Variants in ASAP1 observed in about 807,000 individuals in gnomAD.
The protein encoded by ASAP1 is ArfGAP with SH3 domain, ankyrin repeat and PH domain 1, also known as arf-GAP with SH3 domain, ANK repeat and PH domain-containing protein 1.
In ASAP1, 43 loss-of-function variants were observed where a neutral mutation model predicts 145.2. That is an observed-to-expected ratio of 0.30 (90% CI 0.23 to 0.38). The LOEUF (loss-of-function observed/expected upper bound fraction) is 0.38. Ranked by LOEUF, ASAP1 falls within the 10% of genes least tolerant of loss-of-function variation. The pLI is 1.00. For synonymous variants in ASAP1, 546 were observed against 515.5 expected (o/e 1.06, Z -0.80); for missense variants, 1,018 against 1,355.3 (o/e 0.75, Z 3.91).
chr8:130,155,038 A>T (rs1209299054), intron 12 of ASAP1, among the ~76,000 whole-genome samples: 2 of 152,232 alleles, frequency 1.3e-5, no homozygotes, highest in African/African-American at 4.8e-5. Flanking sequence ...ATCCCTGTAT[A>T]CACTAAGCCA....
chr8:130,188,787 G>A lies in ASAP1; in HGVS notation c.406-604C>T, dbSNP rs7813449. ...TGAATTTAGGTGGTGTAGCTCCAGA[G>A]CTTGTGTTCTTAAACACTATACTAC... is the stretch of plus-strand genomic sequence containing the variant. On this transcript the variant is annotated intron_variant, in intron 5 of 29. Transcript: ENST00000518721. Among the ~76,000 whole-genome samples the A allele has an allele frequency of 5.3e-3, 796 of 150,286 alleles. 7 individuals are homozygous for A. Among genetic ancestry groups the A allele is most frequent in the African/African-American group, 0.019 (769 of 40,788 alleles).
At chr8:130,243,388 T>C (rs904815702) in intron 3 of ASAP1, among the ~76,000 whole-genome samples, 5 of 152,208 alleles carry the variant, frequency 3.3e-5, no homozygotes, top group Non-Finnish European at 5.9e-5. Context: ...TTTCTTCACA[T>C]AGAAGATGCT....
chr8:130,057,044 T>G (rs1438069235), intron 29 of ASAP1, among the ~76,000 whole-genome samples: 1 of 152,248 alleles, frequency 6.6e-6, no homozygotes, highest in Admixed American at 6.5e-5. Context: ...GGTTTTAATG[T>G]AAAAGGAGTT....
At chr8:130,063,971 GGGA>G (rs2097424798) in intron 27 of ASAP1, among the ~76,000 whole-genome samples, 1 of 152,146 alleles carries the variant, frequency 6.6e-6, no homozygotes, top group African/African-American at 2.4e-5. Context: ...TGGCTGGGTG[GGGA>G]GGAGGAGAGT....
intron 2 of ASAP1, chr8:130,361,644 T>G: frequency 1.4e-6 from 2 of 1,467,620 alleles, no homozygotes; most frequent in South Asian, 1.2e-5. Flanking sequence ...GCAATTACAA[T>G]TTCAAAGGTT....
At chr8:130,364,567 C>G (rs1349970531) in intron 2 of ASAP1, among the ~76,000 whole-genome samples, 2 of 152,174 alleles carry the variant, frequency 1.3e-5, no homozygotes, top group African/African-American at 4.8e-5. Context: ...GTCCACAGCC[C>G]CAGGATGCTT....
intron 1 of ASAP1, among the ~76,000 whole-genome samples, chr8:130,438,560 C>T (rs1215989377): frequency 1.3e-5 from 2 of 152,200 alleles, no homozygotes; most frequent in Non-Finnish European, 2.9e-5. Flanking sequence ...TCACACCCTG[C>T]CCATCCCTTC....
intron 1 of ASAP1, among the ~76,000 whole-genome samples, chr8:130,432,861 G>T (rs1352728106): frequency 6.6e-6 from 1 of 152,146 alleles, no homozygotes; most frequent in Non-Finnish European, 1.5e-5. Context: ...CACTGCCAAG[G>T]GGAATAGGAC....
intron 4 of ASAP1, among the ~76,000 whole-genome samples, chr8:130,218,640 T>G (rs1817083696): frequency 6.6e-6 from 1 of 152,148 alleles, no homozygotes; most frequent in Admixed American, 6.5e-5. Flanking sequence ...TGGGAGAAGC[T>G]CAGAACCTTC....
At chr8:130,152,247 T>G (rs1586454860) in intron 13 of ASAP1, among the ~76,000 whole-genome samples, 4 of 152,332 alleles carry the variant, frequency 2.6e-5, no homozygotes, top group Admixed American at 2.6e-4. Flanking sequence ...GGCATATACT[T>G]TGCCATTTCC....
intron 3 of ASAP1, among the ~76,000 whole-genome samples, chr8:130,355,810 G>T (rs1448017565): frequency 6.6e-6 from 1 of 152,112 alleles, no homozygotes; most frequent in Admixed American, 6.5e-5. Context: ...TATGCAAAAA[G>T]TAACCACTCA....
At chr8:130,225,607 A>G (rs1817544582) in intron 4 of ASAP1, among the ~76,000 whole-genome samples, 3 of 152,238 alleles carry the variant, frequency 2.0e-5, no homozygotes. Context: ...TTGATAAAAA[A>G]AGAACACACA....
At chr8:130,207,063 C>A (rs998889360) in intron 5 of ASAP1, among the ~76,000 whole-genome samples, 2 of 152,076 alleles carry the variant, frequency 1.3e-5, no homozygotes, top group Non-Finnish European at 2.9e-5. Flanking sequence ...TTAGAAACAG[C>A]TAAAACTCAA....
In ASAP1 at chr8:130,443,462, G is replaced by A. The variant is rs1830564836; in HGVS notation, c.-30C>T. On this transcript the variant is annotated splice_region_variant and 5_prime_UTR_variant, in exon 1 of 30. Transcript: ENST00000518721. ...CGCCCGAGCGCCCCGCAACTCACCGGGACCTGGCGGGCCGCTGGGCATTAT... is the reference window on the plus strand; with the variant it reads ...CGCCCGAGCGCCCCGCAACTCACCGAGACCTGGCGGGCCGCTGGGCATTAT... 1 of 150,908 alleles carries A rather than the reference G, an allele frequency of 6.6e-6. No individual in the cohort carries two copies. The highest frequency in any genetic ancestry group is 1.5e-5 in the Non-Finnish European group (1 of 67,534). The allele number at this position is 150,908 out of a possible 1,614,324, so 9.3% of individuals were successfully genotyped here. A position where few individuals can be genotyped will look rare whatever the true frequency, so the allele number is the denominator to read the frequency against.
In ASAP1 at chr8:130,188,126, G is replaced by A; in HGVS notation, c.463C>T (p.Leu155=). 6.2e-7 allele frequency: 1 copy of A among 1,613,298 alleles called. No individual in the cohort carries two copies. Among genetic ancestry groups the A allele is most frequent in the Non-Finnish European group, 8.5e-7 (1 of 1,179,488 alleles). Residue 155 remains leucine, a synonymous_variant, in exon 6 of 30, where the codon CTA becomes TTA. Transcript: ENST00000518721. The part of the protein sequence containing the change: ...FTLDSLLKGD[L]KGVKGDLKKP... ...ACACTTACTCCTTTGACTCCCTTTA[G>A]GTCTCCTTTTAACAAAGAATCCAAG...
chr8:130,320,757 CCTTT>C (rs1417651008), intron 3 of ASAP1, among the ~76,000 whole-genome samples: 5 of 152,132 alleles, frequency 3.3e-5, no homozygotes, highest in South Asian at 2.1e-4. Context: ...AGCTTTTCAT[CCTTT>C]CTAACAGGCT....
intron 16 of ASAP1, among the ~76,000 whole-genome samples, chr8:130,126,620 G>C (rs193077413): frequency 1.3e-5 from 2 of 152,246 alleles, no homozygotes; most frequent in East Asian, 3.9e-4. Context: ...AGAACAATGG[G>C]AACTATTACT....
chr8:130,059,410 G>A (rs1248459891), intron 28 of ASAP1, among the ~76,000 whole-genome samples: 2 of 152,088 alleles, frequency 1.3e-5, no homozygotes, highest in Middle Eastern at 3.4e-3. Flanking sequence ...AGGGAACCTC[G>A]CACTTTGGCC....
intron 20 of ASAP1, among the ~76,000 whole-genome samples, chr8:130,117,751 C>T (rs1341848060): frequency 6.6e-6 from 1 of 152,206 alleles, no homozygotes; most frequent in African/African-American, 2.4e-5. Flanking sequence ...GCTGTTAAGT[C>T]TTCTCTCTTT....
Sources: gnomAD v4.1 joint callset for allele counts (sites outside exome capture counted in the v4.1 genomes callset) on GRCh38, gnomAD v4.1.1 for gene constraint, MANE v1.5 for transcripts, NCBI Gene and HGNC (gene_info 2026-07-23, HGNC 2026-07-21) for gene names.